The following UBA6 variants were observed in gnomAD, a reference collection of about 807,000 sequenced individuals.
UBA6 encodes ubiquitin-like modifier-activating enzyme 6.
A neutral mutation model predicts 148.3 loss-of-function variants in UBA6; 87 were observed. That is an observed-to-expected ratio of 0.59 (90% CI 0.49 to 0.70). The LOEUF is 0.70. Ranked by LOEUF, UBA6 falls within the 30% of genes least tolerant of loss-of-function variation. The probability of loss-of-function intolerance (pLI) is 0.00; values close to 1 mark genes in which losing one functional copy is unlikely to be tolerated. For missense variants in UBA6, 1,186 were observed against 1,241.2 expected (o/e 0.96, Z 0.67); for synonymous variants, 376 against 401.0 (o/e 0.94, Z 0.75).
intron 14 of UBA6, among the ~76,000 whole-genome samples, chr4:67,647,898 C>T (rs13122780): frequency 0.23 from 34,537 of 150,390 alleles, 4,103 homozygotes; most frequent in Middle Eastern, 0.3. Flanking sequence ...CTCAGCCTCC[C>T]GAGTAGCTGG....
intron 13 of UBA6, among the ~76,000 whole-genome samples, chr4:67,652,060 T>C (rs953053780): frequency 6.6e-6 from 1 of 152,068 alleles, no homozygotes; most frequent in Non-Finnish European, 1.5e-5. Flanking sequence ...TACAAAAATA[T>C]GAATTGTCTA....
chr4:67,696,456 TATAC>T (rs1301608845), intron 2 of UBA6, among the ~76,000 whole-genome samples, 185 bp downstream of exon 2: 2 of 118,980 alleles, frequency 1.7e-5, no homozygotes, highest in African/African-American at 6.2e-5. Context: ...TACACATATA[TATAC>T]ATATACATAT....
chr4:67,633,206 T>C (rs1258914003), intron 23 of UBA6, 139 bp downstream of exon 23: 4 of 664,142 alleles, frequency 6.0e-6, no homozygotes, highest in Non-Finnish European at 9.4e-6. Flanking sequence ...TTAGCATGTG[T>C]TCTCATTTAA....
Position 67,631,936 on chromosome 4 carries a change from C to A in UBA6, c.2143-28G>T, listed in dbSNP as rs751618495. On this transcript the variant is annotated intron_variant, in intron 23 of 32. Coordinates refer to ENST00000322244, the MANE Select transcript of UBA6 (RefSeq NM_018227.6). ...AAAGAAAAAAAATGAATTAAAGACA[C>A]CCACTACTTAATATTATCTGAGGAA... 3.1e-6 allele frequency: 5 copies of A among 1,596,036 alleles called. No individual in the cohort carries two copies. In the African/African-American group the frequency reaches 6.8e-5, roughly 22 times the overall value.
chr4:67,693,269 CTT>C (rs1255471264), intron 2 of UBA6, among the ~76,000 whole-genome samples: 2 of 151,960 alleles, frequency 1.3e-5, no homozygotes, highest in African/African-American at 4.8e-5. Flanking sequence ...TATATTTTCT[CTT>C]TCTTACATGA....
chr4:67,629,174 C>T (rs756844638), intron 26 of UBA6, 32 bp from the exon 27 acceptor site: 1 of 1,389,422 alleles, frequency 7.2e-7, no homozygotes, highest in Non-Finnish European at 1.0e-6. Flanking sequence ...TACCAACAAA[C>T]ATATTCTTCT....
chr4:67,624,959 A>C, intron 29 of UBA6, 35 bp downstream of exon 29: 1 of 1,552,124 alleles, frequency 6.4e-7, no homozygotes, highest in Non-Finnish European at 8.8e-7. Flanking sequence ...GGCAATGAAA[A>C]AGGAGCATTT....
chr4:67,620,741 T>C (rs903231408), intron 32 of UBA6, among the ~76,000 whole-genome samples: 2 of 152,188 alleles, frequency 1.3e-5, no homozygotes, highest in Admixed American at 6.5e-5. Context: ...GAATACTTCT[T>C]ACATGCCATT....
chr4:67,686,519 C>A (rs569329746), intron 2 of UBA6, among the ~76,000 whole-genome samples: 1 of 152,030 alleles, frequency 6.6e-6, no homozygotes, highest in African/African-American at 2.4e-5. Context: ...ACGAGGATTA[C>A]ATATTAAATA....
intron 18 of UBA6, among the ~76,000 whole-genome samples, chr4:67,640,243 T>C (rs985536617): frequency 7.2e-5 from 11 of 152,248 alleles, no homozygotes; most frequent in African/African-American, 2.7e-4. Flanking sequence ...CAGGACTTTA[T>C]AGTTCTTCTC....
chr4:67,667,046 T>C (rs1185118913), intron 9 of UBA6, among the ~76,000 whole-genome samples: 4 of 152,190 alleles, frequency 2.6e-5, no homozygotes, highest in African/African-American at 9.6e-5. Context: ...CAAAGAATTT[T>C]TGGCACAAAA....
chr4:67,639,324 T>C (rs567465096), intron 18 of UBA6, among the ~76,000 whole-genome samples, 200 bp from the exon 19 acceptor site: 1 of 152,266 alleles, frequency 6.6e-6, no homozygotes, highest in East Asian at 1.9e-4. Flanking sequence ...TAATGCACAT[T>C]AGTCCAAATA....
At position 67,696,672 on chromosome 4, in the gene UBA6, G is replaced by A; in HGVS notation, c.107C>T (p.Ser36Phe). The A allele has an allele frequency of 6.2e-7, 1 of 1,607,482 alleles. No homozygotes were observed. Among genetic ancestry groups the A allele is most frequent in the South Asian group, 1.1e-5 (1 of 89,444 alleles). ...ATACAATGCATCATCGATTTCCACAGATGCTGTTGACATAATGGGCAAATT... is the reference window on the plus strand; with the variant it reads ...ATACAATGCATCATCGATTTCCACAAATGCTGTTGACATAATGGGCAAATT... Reference protein sequence around the residue: ...NKNLPIMSTASVEIDDALYSR... With the variant: ...NKNLPIMSTAFVEIDDALYSR... The change falls in exon 2 of 33, where the codon TCT becomes TTT. Residue 36 changes from serine to phenylalanine, a missense_variant. Coordinates refer to ENST00000322244, the MANE Select transcript of UBA6 (RefSeq NM_018227.6).
Position 67,637,537 on chromosome 4 carries a change from G to A in UBA6, c.1736+1406C>T, listed in dbSNP as rs535513622. Among the ~76,000 whole-genome samples the A allele has an allele frequency of 1.6e-4, 25 of 152,330 alleles. 1 individual carries two copies. In the East Asian group the frequency reaches 3.5e-3, roughly 21 times the overall value. ...AAGATAGAGAAATCAGATTGTTGCT[G>A]TGTCTGTGTAGAAAGAAGTAGACAT... On this transcript the variant is annotated intron_variant, in intron 19 of 32. Transcript: ENST00000322244.
rs956580334 is a variant in UBA6 at position 67,687,226 on chromosome 4, G to A, written c.135-5013C>T. Among the ~76,000 whole-genome samples the A allele has an allele frequency of 6.1e-4, 92 of 151,604 alleles. 1 individual carries two copies. Among genetic ancestry groups the A allele is most frequent in the Admixed American group, 2.0e-4 (3 of 15,234 alleles). ...AATTTTTGTATTTTTAGTAGAGAGG[G>A]GGTTTCACCATGTTGGTCAGGCTGG... On this transcript the variant is annotated intron_variant, in intron 2 of 32. Coordinates refer to ENST00000322244, the MANE Select transcript of UBA6 (RefSeq NM_018227.6).
At chr4:67,637,703 T>C (rs1170594460) in intron 19 of UBA6, among the ~76,000 whole-genome samples, 1 of 152,084 alleles carries the variant, frequency 6.6e-6, no homozygotes, top group Non-Finnish European at 1.5e-5. Context: ...TTAAGGGCGG[T>C]GCAAGATGTG....
intron 3 of UBA6, among the ~76,000 whole-genome samples, 188 bp downstream of exon 3, chr4:67,681,931 G>A (rs1730450052): frequency 6.6e-6 from 1 of 152,146 alleles, no homozygotes. Flanking sequence ...GAAGCAATGA[G>A]TCATTATTGG....
intron 4 of UBA6, 102 bp from the exon 5 acceptor site, chr4:67,678,635 A>G: frequency 5.9e-6 from 3 of 507,480 alleles, no homozygotes; most frequent in Middle Eastern, 3.3e-4. Flanking sequence ...TTGTGTAATT[A>G]GACAATGAAA....
intron 6 of UBA6, among the ~76,000 whole-genome samples, chr4:67,674,872 GT>G (rs568561710): frequency 6.8e-5 from 10 of 147,914 alleles, no homozygotes; most frequent in Admixed American, 6.8e-5. Flanking sequence ...TCTGTTTTGG[GT>G]TTTTTTTTTG....
Sources: allele counts gnomAD v4.1 joint callset (sites outside exome capture counted in the v4.1 genomes callset), GRCh38; gene constraint gnomAD v4.1.1; transcripts MANE v1.5; gene names NCBI Gene and HGNC (gene_info 2026-07-23, HGNC 2026-07-21).